ZNF268: variants seen among roughly 807,000 people sequenced by gnomAD.
The protein encoded by ZNF268 is zinc finger protein 268.
In ZNF268, 20 loss-of-function variants were observed where a neutral mutation model predicts 29.3. The ratio of observed to expected loss-of-function variants is 0.68; its 90% CI spans 0.48 to 0.99. ZNF268 has a LOEUF of 0.99. Among genes scored for constraint, ZNF268 ranks in the 50% least tolerant of loss-of-function variants. The probability of loss-of-function intolerance (pLI) is 0.00; values close to 1 mark genes in which losing one functional copy is unlikely to be tolerated. For missense variants in ZNF268, 1,240 were observed against 1,121.6 expected, an observed-to-expected ratio of 1.11 and a Z score of -1.51; for synonymous variants, 429 against 376.9, an observed-to-expected ratio of 1.14 and a Z score of -1.60.
chr12:133,203,823 A>G lies in ZNF268; in HGVS notation c.2137A>G (p.Ile713Val). 6.4e-7 allele frequency: 1 copy of G among 1,562,826 alleles called. No homozygotes were observed. Among genetic ancestry groups the G allele is most frequent in the Non-Finnish European group, 8.6e-7 (1 of 1,160,506 alleles). The change falls in exon 6 of 6, where the codon ATA becomes GTA. Residue 713 changes from isoleucine (I) to valine (V), a missense_variant. This residue lies in a region of ZNF268 where 1,177 missense variants were observed against 1,039.6 expected (regional missense o/e 1.13). Coordinates refer to ENST00000536435, the MANE Select transcript of ZNF268 (RefSeq NM_003415.3). ...CTTCAGGAGCAAGTCATACCTTATT[A>G]TACATATGAGAACTCATACAGGAGA... ...KAFRSKSYLIIHMRTHTGEKP... is the reference protein window; with the variant it reads ...KAFRSKSYLIVHMRTHTGEKP...
Position 133,184,605 on chromosome 12 carries a change from C to CTTTATTTA in ZNF268, c.33+2587_33+2594dup. The CTTTATTTA allele has an allele frequency of 1.1e-5, 4 of 356,976 alleles. No individual in the cohort carries two copies. In the Middle Eastern group the frequency reaches 2.8e-3, roughly 247 times the overall value. 22.1% of individuals were successfully genotyped at this position (356,976 alleles called of 1,614,324 possible). A position where few individuals can be genotyped will look rare whatever the true frequency, so the allele number is the denominator to read the frequency against. ...TAATCACTATTAAAAGGCCGCACCT[C>CTTTATTTA]TTTATTTATTTATTTATTTGTTTAT... On this transcript the variant is annotated intron_variant, in intron 2 of 5. Transcript: ENST00000536435.
rs1052251341 is a variant in ZNF268 at position 133,184,295 on chromosome 12, C to T, written c.33+2265C>T. On this transcript the variant is annotated intron_variant, in intron 2 of 5. Coordinates refer to ENST00000536435, the MANE Select transcript of ZNF268 (RefSeq NM_003415.3). ...TTTTTTTTTGTATTTTTAGTAGAGA[C>T]GTGGTTTCATTGTGTTGGCCACAAT... is the stretch of plus-strand genomic sequence containing the variant. Among the ~76,000 whole-genome samples, 4 of 151,828 alleles carry T rather than the reference C, an allele frequency of 2.6e-5. No individual in the cohort carries two copies. The South Asian group carries it at 8.3e-4, about 31-fold the overall frequency.
rs181911731 is a variant in ZNF268 at position 133,206,841 on chromosome 12, C to G, written c.*2311C>G. 9 of 152,254 alleles carry G rather than the reference C, an allele frequency of 5.9e-5. No individual in the cohort carries two copies. The highest frequency in any genetic ancestry group is 5.2e-4 in the Admixed American group (8 of 15,288). 9.4% of individuals were successfully genotyped at this position (152,254 alleles called of 1,614,324 possible). ...GCAGATACTTGCTAAAGTGTATCCC[C>G]CAATCTGGGAAATACTGTAAAGGTG... On this transcript the variant is annotated 3_prime_UTR_variant, in exon 6 of 6. Transcript: ENST00000536435.
At chr12:133,188,191 CA>C in intron 3 of ZNF268, 119 bp downstream of exon 3, 1 of 919,742 alleles carries the variant, frequency 1.1e-6, no homozygotes, top group Non-Finnish European at 1.6e-6. Context: ...CAGTTCAGTT[CA>C]AAACCCCCCC....
chr12:133,198,424 T>C (rs1399018754), intron 5 of ZNF268, among the ~76,000 whole-genome samples: 1 of 151,380 alleles, frequency 6.6e-6, no homozygotes, highest in Non-Finnish European at 1.5e-5. Context: ...ACCATGCTTT[T>C]TTGGTTACTG....
chr12:133,203,091 G>A lies in ZNF268; in HGVS notation c.1405G>A (p.Val469Ile), dbSNP rs1487967994. The A allele has an allele frequency of 1.3e-6, 2 of 1,537,630 alleles. No individual in the cohort carries two copies. Among genetic ancestry groups the A allele is most frequent in the East Asian group, 2.4e-5 (1 of 40,900 alleles). The change falls in exon 6 of 6, where the codon GTA becomes ATA. Residue 469 changes from valine to isoleucine, a missense_variant. Physicochemically the swap from Val to Ile is conservative, Grantham distance 29 (BLOSUM62 3). Transcript: ENST00000536435. Reference sequence around the variant, plus strand: ...TGTACATCAGGGGATTCACACAGGAGTAAAGCCCTATGGGTGTATTCAGTG... The same window carrying A: ...TGTACATCAGGGGATTCACACAGGAATAAAGCCCTATGGGTGTATTCAGTG... ...LIVHQGIHTGVKPYGCIQCGK... is the reference protein window; with the variant it reads ...LIVHQGIHTGIKPYGCIQCGK...
rs1368735607 is a variant in ZNF268, at chr12:133,207,512, A to C, written c.*2982A>C. On this transcript the variant is annotated 3_prime_UTR_variant, in exon 6 of 6. Coordinates refer to ENST00000536435, the MANE Select transcript of ZNF268 (RefSeq NM_003415.3). ...TTTATAATGGCAGTATGCCCACTTA[A>C]AAAGAGATATATGGGGCCAGGCACG... 2.0e-5 allele frequency: 3 copies of C among 152,068 alleles called. No homozygotes were observed. The highest frequency in any genetic ancestry group is 4.4e-5 in the Non-Finnish European group (3 of 68,050). The allele number at this position is 152,068 out of a possible 1,614,324, so 9.4% of individuals were successfully genotyped here. A position where few individuals can be genotyped will look rare whatever the true frequency, so the allele number is the denominator to read the frequency against.
intron 3 of ZNF268, 88 bp from the exon 4 acceptor site, chr12:133,191,401 T>A (rs1956470323): frequency 4.7e-6 from 7 of 1,505,346 alleles, no homozygotes; most frequent in Non-Finnish European, 6.4e-6. Context: ...CTCACAAAGT[T>A]AAACATAAAT....
chr12:133,203,965 C>T lies in ZNF268; in HGVS notation c.2279C>T (p.Ala760Val), dbSNP rs916133378. 2.5e-6 allele frequency: 4 copies of T among 1,592,862 alleles called. No individual in the cohort carries two copies. The African/African-American group carries it at 5.4e-5, about 21-fold the overall frequency. Residue 760 changes from alanine to valine, a missense_variant, in exon 6 of 6, where the codon GCC becomes GTC. By Grantham distance (64) the Ala-to-Val change is moderately conservative. Around this residue, in one of 3 missense-constraint regions of ZNF268, gnomAD observed 1,177 missense variants for 1,039.6 expected, o/e 1.13. Coordinates refer to ENST00000536435, the MANE Select transcript of ZNF268 (RefSeq NM_003415.3). The stretch of plus-strand genomic sequence containing the variant: ...TATGAATGCAGTGAATGTGGGAAAG[C>T]CTTTAATAGGAAAGACCAGCTCATT... Reference protein sequence around the residue: ...NPYECSECGKAFNRKDQLISH... With the variant: ...NPYECSECGKVFNRKDQLISH...
rs1309615278 is a variant in ZNF268, at chr12:133,204,427, A to T, written c.2741A>T (p.His914Leu). The T allele has an allele frequency of 6.4e-7, 1 of 1,566,840 alleles. No individual in the cohort carries two copies. Among genetic ancestry groups the T allele is most frequent in the Non-Finnish European group, 8.6e-7 (1 of 1,161,438 alleles). ...ATTCTCAGTGCACATCAGAGAACAC[A>T]TACAGGAGAGAAGCCTTGTAAGTGC... ...KSILSAHQRT[H>L]TGEKPCKCTE... Residue 914 changes from histidine to leucine, a missense_variant, in exon 6 of 6, where the codon CAT (histidine) becomes CTT (leucine). By Grantham distance (99) the His-to-Leu change is moderately conservative. This residue lies in a region of ZNF268 where 1,177 missense variants were observed against 1,039.6 expected (regional missense o/e 1.13). Coordinates refer to ENST00000536435, the MANE Select transcript of ZNF268 (RefSeq NM_003415.3).
chr12:133,210,481 GGTCA>G lies in ZNF268; in HGVS notation c.*5955_*5958del. The G allele has an allele frequency of 4.4e-6, 1 of 227,316 alleles. No individual in the cohort carries two copies. Among genetic ancestry groups the G allele is most frequent in the Non-Finnish European group, 9.1e-6 (1 of 110,336 alleles). 14.1% of individuals were successfully genotyped at this position (227,316 alleles called of 1,614,324 possible). A position where few individuals can be genotyped will look rare whatever the true frequency, so the allele number is the denominator to read the frequency against. On this transcript the variant is annotated 3_prime_UTR_variant, in exon 6 of 6. Coordinates refer to ENST00000536435, the MANE Select transcript of ZNF268 (RefSeq NM_003415.3). ...TGGATTTGCCCCACTAGGGTCCCTA[GGTCA>G]GTCCTGAAGAGAAACAAGCTCCAGT...
chr12:133,185,098 C>T (rs1466827415), intron 2 of ZNF268, among the ~76,000 whole-genome samples: 3 of 150,904 alleles, frequency 2.0e-5, no homozygotes, highest in Non-Finnish European at 4.4e-5. Context: ...GCAGAAAAAT[C>T]GCTTGAACCC....
Position 133,211,950 on chromosome 12 carries a change from C to G in ZNF268, c.*7420C>G, listed in dbSNP as rs759544406. 1 of 152,158 alleles carries G rather than the reference C, an allele frequency of 6.6e-6. No individual in the cohort carries two copies. The highest frequency in any genetic ancestry group is 1.5e-5 in the Non-Finnish European group (1 of 68,040). The allele number at this position is 152,158 out of a possible 1,614,324, so 9.4% of individuals were successfully genotyped here. On this transcript the variant is annotated 3_prime_UTR_variant, in exon 6 of 6. Transcript: ENST00000536435. ...TCACGTACAGCAGCTCTTTTCATAA[C>G]AGACAAATACTTTAAGGAATCAGGA...
intron 2 of ZNF268, among the ~76,000 whole-genome samples, chr12:133,185,632 G>T (rs1234852734): frequency 6.6e-6 from 1 of 151,962 alleles, no homozygotes; most frequent in African/African-American, 2.4e-5. Flanking sequence ...CCGGGAGAGT[G>T]TGTGGCGCTA....
rs1345514640 is a variant in ZNF268, at chr12:133,207,670, TG to T, written c.*3142del. 5 of 152,016 alleles carry T rather than the reference TG, an allele frequency of 3.3e-5. No individual in the cohort carries two copies. The highest frequency in any genetic ancestry group is 9.7e-5 in the African/African-American group (4 of 41,382). The allele number at this position is 152,016 out of a possible 1,614,324, so 9.4% of individuals were successfully genotyped here. ...AAAAATACAAAAAAATAGCAGGGCATGGTAACTGACACCTATAATCCCAGCT... is the reference window on the plus strand; with the variant it reads ...AAAAATACAAAAAAATAGCAGGGCATGTAACTGACACCTATAATCCCAGCT... On this transcript the variant is annotated 3_prime_UTR_variant, in exon 6 of 6. Coordinates refer to ENST00000536435, the MANE Select transcript of ZNF268 (RefSeq NM_003415.3).
At chr12:133,186,769 G>C (rs944090405) in intron 2 of ZNF268, among the ~76,000 whole-genome samples, 11 of 152,164 alleles carry the variant, frequency 7.2e-5, no homozygotes, top group African/African-American at 2.4e-4. Context: ...ATTGATATGT[G>C]CTATGACAAG....
rs1208430089 is a variant in ZNF268, at chr12:133,209,523, A to T, written c.*4993A>T. The T allele has an allele frequency of 6.6e-6, 1 of 152,216 alleles. No homozygotes were observed. Among genetic ancestry groups the T allele is most frequent in the African/African-American group, 2.4e-5 (1 of 41,452 alleles). 9.4% of individuals were successfully genotyped at this position (152,216 alleles called of 1,614,324 possible). A position where few individuals can be genotyped will look rare whatever the true frequency, so the allele number is the denominator to read the frequency against. The stretch of plus-strand genomic sequence containing the variant: ...CAACATTGTTTCAACTACTTGTTAG[A>T]AACACAGGCCATTAAAACATTAATA... On this transcript the variant is annotated 3_prime_UTR_variant, in exon 6 of 6. Transcript: ENST00000536435.
At position 133,203,244 on chromosome 12, in the gene ZNF268, A is replaced by G. The variant is rs778702168; in HGVS notation, c.1558A>G (p.Arg520Gly). 6.0e-5 allele frequency: 92 copies of G among 1,537,996 alleles called. No individual in the cohort carries two copies. In the South Asian group the frequency reaches 6.8e-4, roughly 11 times the overall value. ...CAAGTCATACCTTATTATACATACA[A>G]GGACTCATACAGGAGAAAAACTCCA... ...RSKSYLIIHT[R>G]THTGEKLHEC... The change falls in exon 6 of 6, where the codon AGG becomes GGG. Residue 520 changes from arginine (R) to glycine (G), a missense_variant. By Grantham distance (125) the Arg-to-Gly change is moderately radical. Around this residue, in one of 3 missense-constraint regions of ZNF268, gnomAD observed 1,177 missense variants for 1,039.6 expected, o/e 1.13. Transcript: ENST00000536435.
chr12:133,189,617 G>T (rs1373376199), intron 3 of ZNF268, among the ~76,000 whole-genome samples: 11 of 152,126 alleles, frequency 7.2e-5, no homozygotes, highest in Non-Finnish European at 7.4e-5. Flanking sequence ...ACATTCACTA[G>T]TTAGTTCTAG....
Sources: allele counts gnomAD v4.1 joint callset (sites outside exome capture counted in the v4.1 genomes callset), GRCh38; gene constraint gnomAD v4.1.1; regional missense constraint gnomAD v4.1.1; transcripts MANE v1.5; gene names NCBI Gene and HGNC (gene_info 2026-07-23, HGNC 2026-07-21).